Variants in WDFY4 observed in about 807,000 individuals in gnomAD.
WDFY4 encodes the protein WDFY family member 4.
Under a neutral mutation model 351.9 loss-of-function variants are expected in WDFY4, and 169 were observed. That is an observed-to-expected ratio of 0.48 (90% CI 0.42 to 0.55). The LOEUF (loss-of-function observed/expected upper bound fraction) is 0.55. Among genes scored for constraint, WDFY4 ranks in the 20% least tolerant of loss-of-function variants. The probability of loss-of-function intolerance (pLI) is 0.00; values close to 1 mark genes in which losing one functional copy is unlikely to be tolerated. For synonymous variants in WDFY4, 1,622 were observed against 1,574.6 expected (o/e 1.03, Z -0.71); for missense variants, 3,803 against 3,935.6 (o/e 0.97, Z 0.90).
At chr10:48,717,228 C>T (rs746743954) in intron 2 of WDFY4, among the ~76,000 whole-genome samples, 21 of 152,120 alleles carry the variant, frequency 1.4e-4, no homozygotes, top group East Asian at 1.9e-4. Context: ...TACTGTGTAT[C>T]GTGGGTTTCA....
chr10:48,817,531 C>A lies in WDFY4; in HGVS notation c.5505+122C>A, dbSNP rs540468747. 4.0e-5 allele frequency: 50 copies of A among 1,247,116 alleles called. No homozygotes were observed. The Admixed American group carries it at 1.3e-3, about 33-fold the overall frequency. The allele number at this position is 1,247,116 out of a possible 1,614,324, so 77.3% of individuals were successfully genotyped here. A position where few individuals can be genotyped will look rare whatever the true frequency, so the allele number is the denominator to read the frequency against. On this transcript the variant is annotated intron_variant, in intron 32 of 61. Coordinates refer to ENST00000325239, the MANE Select transcript of WDFY4 (RefSeq NM_001394531.1). ...AAAATACATTTTAAGGCAACTTGAG[C>A]GGAACATTGAATAAGCAGCTTGGAT... is the stretch of plus-strand genomic sequence containing the variant.
chr10:48,941,364 C>G (rs1351149390), intron 47 of WDFY4, among the ~76,000 whole-genome samples: 1 of 152,340 alleles, frequency 6.6e-6, no homozygotes, highest in East Asian at 1.9e-4. Flanking sequence ...AAACTGGTGA[C>G]TGTGGACCCT....
chr10:48,856,461 T>C (rs1225023731), intron 39 of WDFY4, among the ~76,000 whole-genome samples: 1 of 152,158 alleles, frequency 6.6e-6, no homozygotes, highest in Non-Finnish European at 1.5e-5. Context: ...CTCAGTTTTC[T>C]TCTGATTCTT....
rs995170652 is a variant in WDFY4, at chr10:48,731,372, T to A, written c.1392T>A (p.His464Gln). The A allele has an allele frequency of 6.4e-7, 1 of 1,551,708 alleles. No individual in the cohort carries two copies. Among genetic ancestry groups the A allele is most frequent in the Non-Finnish European group, 8.7e-7 (1 of 1,146,966 alleles). The stretch of plus-strand genomic sequence containing the variant: ...TGTTCGAGCTGCACTACGTGCCTCA[T>A]GAGATCCTGCGAAAGGTACAGCATC... ...ALVFELHYVP[H>Q]EILRKVQHLI... Residue 464 changes from histidine (H) to glutamine (Q), a missense_variant, in exon 9 of 62, where the codon CAT (histidine) becomes CAA (glutamine). Coordinates refer to ENST00000325239, the MANE Select transcript of WDFY4 (RefSeq NM_001394531.1).
chr10:48,828,712 A>G (rs1232013670), intron 36 of WDFY4, 66 bp from the exon 37 acceptor site: 2 of 942,160 alleles, frequency 2.1e-6, no homozygotes, highest in South Asian at 1.7e-5. Flanking sequence ...GTAATAAAGA[A>G]CAATAGAATG....
chr10:48,884,577 G>A (rs978775816), intron 43 of WDFY4, among the ~76,000 whole-genome samples: 6 of 151,834 alleles, frequency 4.0e-5, no homozygotes, highest in South Asian at 2.1e-4. Context: ...CACCTGATGC[G>A]TGTACACATA....
chr10:48,856,399 G>C (rs1299136356), intron 39 of WDFY4, among the ~76,000 whole-genome samples: 1 of 152,072 alleles, frequency 6.6e-6, no homozygotes, highest in East Asian at 1.9e-4. Context: ...CCAGTTATCT[G>C]AAGAGACTAT....
intron 13 of WDFY4, among the ~76,000 whole-genome samples, chr10:48,773,148 G>C (rs1404616788): frequency 6.6e-6 from 1 of 152,182 alleles, no homozygotes; most frequent in Non-Finnish European, 1.5e-5. Flanking sequence ...GGAAACAACA[G>C]GTGCTGGAGA....
intron 19 of WDFY4, among the ~76,000 whole-genome samples, chr10:48,784,306 A>G (rs1169538877): frequency 6.6e-6 from 1 of 152,202 alleles, no homozygotes; most frequent in East Asian, 1.9e-4. Flanking sequence ...ATTTCCGCTA[A>G]CAATGGATGA....
chr10:48,815,094 A>T (rs1443866310), intron 31 of WDFY4, among the ~76,000 whole-genome samples: 1 of 152,224 alleles, frequency 6.6e-6, no homozygotes, highest in East Asian at 1.9e-4. Flanking sequence ...GTAGTATAGC[A>T]GGTCAAAGTG....
intron 1 of WDFY4, among the ~76,000 whole-genome samples, chr10:48,691,337 G>A (rs141635706): frequency 3.3e-5 from 5 of 152,288 alleles, no homozygotes; most frequent in Non-Finnish European, 5.9e-5. Context: ...AGCACCCTTG[G>A]TGTGGGCTGG....
chr10:48,805,366 A>G lies in WDFY4; in HGVS notation c.4591A>G (p.Ile1531Val), dbSNP rs1460124373. 1.1e-5 allele frequency: 17 copies of G among 1,549,684 alleles called. No individual in the cohort carries two copies. The highest frequency in any genetic ancestry group is 1.4e-5 in the African/African-American group (1 of 73,128). ...SLIPSKISTI[I>V]GILACQLRGH... ...CATCCCCTCCAAGATCTCCACCATC[A>G]TTGGCATCCTGGCCTGTCAGCTGAG... The change falls in exon 26 of 62, where the codon ATT becomes GTT. Residue 1531 changes from isoleucine (I) to valine (V), a missense_variant. Physicochemically the swap from Ile to Val is conservative, Grantham distance 29. Around this residue, in one of 3 missense-constraint regions of WDFY4, gnomAD observed 3,054 missense variants for 3,148.6 expected, o/e 0.97. Transcript: ENST00000325239.
chr10:48,975,292 G>T, intron 58 of WDFY4: 1 of 598,378 alleles, frequency 1.7e-6, no homozygotes, highest in Non-Finnish European at 2.9e-6. Context: ...GGGCACCAGG[G>T]GGCTGCAGCT....
intron 13 of WDFY4, among the ~76,000 whole-genome samples, chr10:48,763,309 G>A (rs984525945): frequency 3.3e-5 from 5 of 152,212 alleles, no homozygotes; most frequent in African/African-American, 1.2e-4. Flanking sequence ...AACACCTCTG[G>A]CCCAAGCTTA....
intron 44 of WDFY4, among the ~76,000 whole-genome samples, chr10:48,896,023 C>T (rs1837058883): frequency 6.6e-6 from 1 of 152,216 alleles, no homozygotes. Context: ...AGATGCACTC[C>T]CTACATTTTC....
intron 39 of WDFY4, among the ~76,000 whole-genome samples, chr10:48,853,641 C>A (rs1564418850): frequency 6.6e-6 from 1 of 152,104 alleles, no homozygotes; most frequent in Non-Finnish European, 1.5e-5. Context: ...AATATTAAAT[C>A]AAAAAATGCT....
chr10:48,875,311 C>T (rs976060428), intron 42 of WDFY4, among the ~76,000 whole-genome samples, 171 bp downstream of exon 42: 1 of 152,160 alleles, frequency 6.6e-6, no homozygotes, highest in Non-Finnish European at 1.5e-5. Flanking sequence ...GATTTCAGCC[C>T]TAGACACTTG....
chr10:48,706,994 A>T (rs1201068925), intron 1 of WDFY4, among the ~76,000 whole-genome samples: 1 of 152,192 alleles, frequency 6.6e-6, no homozygotes, highest in East Asian at 1.9e-4. Flanking sequence ...CTAATTTATT[A>T]AAAAATGGAT....
At position 48,760,381 on chromosome 10, in the gene WDFY4, G is replaced by C. The variant is rs1335946412; in HGVS notation, c.2494G>C (p.Gly832Arg). The C allele has an allele frequency of 1.9e-6, 3 of 1,551,510 alleles. No homozygotes were observed. Among genetic ancestry groups the C allele is most frequent in the Non-Finnish European group, 2.6e-6 (3 of 1,146,990 alleles). Residue 832 changes from glycine to arginine, a missense_variant, in exon 13 of 62, where the codon GGG becomes CGG. Physicochemically the swap from Gly to Arg is moderately radical, Grantham distance 125. Coordinates refer to ENST00000325239, the MANE Select transcript of WDFY4 (RefSeq NM_001394531.1). Reference protein sequence around the residue: ...DEGDAAIMHPGVVCIMVRLLP... With the variant: ...DEGDAAIMHPRVVCIMVRLLP... ...GGGAGATGCTGCAATCATGCATCCC[G>C]GGGTCGTGTGCATCATGGTGAGGCT...
Sources: gnomAD v4.1 joint callset for allele counts (sites outside exome capture counted in the v4.1 genomes callset) on GRCh38, gnomAD v4.1.1 for gene constraint, gnomAD v4.1.1 regional missense constraint, MANE v1.5 for transcripts, NCBI Gene and HGNC (gene_info 2026-07-23, HGNC 2026-07-21) for gene names.